The following SPSB4 variants were observed in gnomAD, a reference collection of about 807,000 sequenced individuals.
SPSB4 encodes the protein SPRY domain-containing SOCS box protein 4.
A neutral mutation model predicts 20.9 loss-of-function variants in SPSB4; 21 were observed. That is an observed-to-expected ratio of 1.01 (90% CI 0.71 to 1.45). The LOEUF (loss-of-function observed/expected upper bound fraction) is 1.45, where lower values mean the gene tolerates loss of function less well. Ranked by LOEUF, SPSB4 falls within the 40% of genes most tolerant of loss-of-function variation. The pLI, the probability that SPSB4 is intolerant of heterozygous loss-of-function variation, is 0.00. For missense variants in SPSB4, 399 were observed against 399.2 expected (o/e 1.00, Z 0.00); for synonymous variants, 207 against 183.8 (o/e 1.13, Z -1.02).
chr3:141,115,294 T>G (rs2107799594), intron 2 of SPSB4: 1 of 152,366 alleles, frequency 6.6e-6, no homozygotes, highest in Middle Eastern at 3.4e-3. Context: ...CCAGTGGCGT[T>G]GGCAGGTACT....
intron 2 of SPSB4, among the ~76,000 whole-genome samples, chr3:141,125,704 C>T (rs1939039788): frequency 6.6e-6 from 1 of 152,176 alleles, no homozygotes; most frequent in African/African-American, 2.4e-5. Flanking sequence ...CCAGGGTTGT[C>T]TCTGCAGACA....
chr3:141,135,749 A>G (rs1192636979), intron 2 of SPSB4, among the ~76,000 whole-genome samples: 150 of 152,092 alleles, frequency 9.9e-4, no homozygotes, highest in African/African-American at 3.3e-3. Context: ...TCATTGTTGG[A>G]CATTTGGGTT....
intron 2 of SPSB4, among the ~76,000 whole-genome samples, chr3:141,140,015 C>T (rs12106786): frequency 0.26 from 39,720 of 151,998 alleles, 6,486 homozygotes; most frequent in African/African-American, 0.44. Flanking sequence ...CCATATTTCT[C>T]GGAGGCTTTG....
intron 2 of SPSB4, among the ~76,000 whole-genome samples, chr3:141,127,042 C>T (rs1164844330): frequency 2.0e-5 from 3 of 152,252 alleles, no homozygotes; most frequent in African/African-American, 7.2e-5. Context: ...GTGTATGCTT[C>T]GAGGTCAAGA....
At chr3:141,120,248 A>AG (rs1324040517) in intron 2 of SPSB4, among the ~76,000 whole-genome samples, 2 of 152,162 alleles carry the variant, frequency 1.3e-5, no homozygotes, top group African/African-American at 4.8e-5. Context: ...CTTAATCCTG[A>AG]GTTCAAATTT....
chr3:141,124,067 A>T (rs1939013665), intron 2 of SPSB4: 1 of 152,220 alleles, frequency 6.6e-6, no homozygotes, highest in African/African-American at 2.4e-5. Context: ...GCTACTTTTT[A>T]TTCATTACCT....
At position 141,065,979 on chromosome 3, in the gene SPSB4, A is replaced by G. The variant is rs980124357; in HGVS notation, c.-126A>G. On this transcript the variant is annotated 5_prime_UTR_variant, in exon 2 of 3. Transcript: ENST00000310546. ...GCTTGGGCCCCTGCCGCAGCCCGGT[A>G]GAGGCTGTGGAGGTCTACCGTCCGG... 1.2e-6 allele frequency: 1 copy of G among 849,196 alleles called. No individual in the cohort carries two copies. Among genetic ancestry groups the G allele is most frequent in the African/African-American group, 1.8e-5 (1 of 54,624 alleles). The allele number at this position is 849,196 out of a possible 1,614,324, so 52.6% of individuals were successfully genotyped here. A position where few individuals can be genotyped will look rare whatever the true frequency, so the allele number is the denominator to read the frequency against.
At chr3:141,134,761 A>T (rs954529131) in intron 2 of SPSB4, among the ~76,000 whole-genome samples, 24 of 151,688 alleles carry the variant, frequency 1.6e-4, no homozygotes, top group African/African-American at 5.6e-4. Context: ...TTAATTAGGG[A>T]TATTGGTCTG....
At chr3:141,139,348 A>G (rs1240745041) in intron 2 of SPSB4, among the ~76,000 whole-genome samples, 3 of 152,000 alleles carry the variant, frequency 2.0e-5, no homozygotes, top group Admixed American at 6.6e-5. Flanking sequence ...TAAGATTAGT[A>G]TTGTTATGTG....
chr3:141,106,708 A>G (rs1280776351), intron 2 of SPSB4, among the ~76,000 whole-genome samples: 1 of 152,182 alleles, frequency 6.6e-6, no homozygotes, highest in East Asian at 1.9e-4. Context: ...TTCAAACACC[A>G]TTGGCAGGGT....
chr3:141,107,469 G>A (rs1463192428), intron 2 of SPSB4, among the ~76,000 whole-genome samples: 1 of 152,192 alleles, frequency 6.6e-6, no homozygotes, highest in Admixed American at 6.5e-5. Flanking sequence ...TCCCCACTAT[G>A]TGTCCATCCA....
chr3:141,092,499 C>G (rs1034649904), intron 2 of SPSB4, among the ~76,000 whole-genome samples: 3 of 152,240 alleles, frequency 2.0e-5, no homozygotes, highest in Admixed American at 2.0e-4. Flanking sequence ...ACTAATACCT[C>G]CATGTGCCCC....
At chr3:141,138,041 C>A (rs983921239) in intron 2 of SPSB4, among the ~76,000 whole-genome samples, 1 of 152,180 alleles carries the variant, frequency 6.6e-6, no homozygotes, top group Non-Finnish European at 1.5e-5. Context: ...AGAGATTCAA[C>A]TTCTTCCTGG....
At chr3:141,128,894 T>G (rs1939092038) in intron 2 of SPSB4, among the ~76,000 whole-genome samples, 1 of 152,206 alleles carries the variant, frequency 6.6e-6, no homozygotes, top group African/African-American at 2.4e-5. Flanking sequence ...CTCCTCTTTT[T>G]CTGGAGGTGG....
Position 141,139,204 on chromosome 3 carries a change from C to G in SPSB4, c.695-7938C>G, listed in dbSNP as rs549431651. On this transcript the variant is annotated intron_variant, in intron 2 of 2. Transcript: ENST00000310546. ...ATTTGCTTGGTAGATCTTCCTCCATCCCTTTATTTTGAGCCTATGTGTGTC... is the reference window on the plus strand; with the variant it reads ...ATTTGCTTGGTAGATCTTCCTCCATGCCTTTATTTTGAGCCTATGTGTGTC... Among the ~76,000 whole-genome samples the G allele has an allele frequency of 1.8e-4, 28 of 152,194 alleles. 1 individual carries two copies. In the East Asian group the frequency reaches 5.4e-3, roughly 29 times the overall value.
intron 2 of SPSB4, among the ~76,000 whole-genome samples, chr3:141,099,217 C>T (rs1270917499): frequency 2.0e-5 from 3 of 148,410 alleles, no homozygotes; most frequent in African/African-American, 5.0e-5. Flanking sequence ...CGGAGTTTCG[C>T]TCTGTCGCCC....
At position 141,128,129 on chromosome 3, in the gene SPSB4, G is replaced by T. The variant is rs148021246; in HGVS notation, c.695-19013G>T. On this transcript the variant is annotated intron_variant, in intron 2 of 2. Coordinates refer to ENST00000310546, the MANE Select transcript of SPSB4 (RefSeq NM_080862.3). ...CTGAGGGGAAATAATGGTTAAGTCG[G>T]TGGGGAAGGGGGTGGAGTGTGGTAA... 5.5e-4 allele frequency among the ~76,000 whole-genome samples: 84 copies of T among 152,344 alleles called. No homozygotes were observed. In the East Asian group the frequency reaches 0.01, roughly 18 times the overall value.
chr3:141,106,049 G>A (rs1938682924), intron 2 of SPSB4, among the ~76,000 whole-genome samples: 1 of 152,346 alleles, frequency 6.6e-6, no homozygotes, highest in South Asian at 2.1e-4. Flanking sequence ...CTACAATTTG[G>A]AAGTGAGAAT....
intron 2 of SPSB4, among the ~76,000 whole-genome samples, chr3:141,072,333 G>A (rs1188362211): frequency 2.0e-5 from 3 of 152,202 alleles, no homozygotes; most frequent in Non-Finnish European, 4.4e-5. Context: ...ACTTGATATC[G>A]CTTGGATATT....
Sources: allele counts gnomAD v4.1 joint callset (sites outside exome capture counted in the v4.1 genomes callset), GRCh38; gene constraint gnomAD v4.1.1; transcripts MANE v1.5; gene names NCBI Gene and HGNC (gene_info 2026-07-23, HGNC 2026-07-21).